The following ERCC6 variants were observed in gnomAD, a reference collection of about 807,000 sequenced individuals.
The protein encoded by ERCC6 is DNA excision repair protein ERCC-6.
A neutral mutation model predicts 158.7 loss-of-function variants in ERCC6; 116 were observed. That is an observed-to-expected ratio of 0.73 (90% CI 0.63 to 0.85). The LOEUF is 0.85. Ranked by LOEUF, ERCC6 falls within the 40% of genes least tolerant of loss-of-function variation. ERCC6 has a pLI of 0.00. For missense variants in ERCC6, 1,698 were observed against 1,799.4 expected, an observed-to-expected ratio of 0.94 and a Z score of 1.02; for synonymous variants, 678 against 659.3, an observed-to-expected ratio of 1.03 and a Z score of -0.43.
chr10:49,475,229 A>G, intron 12 of ERCC6: 1 of 303,336 alleles, frequency 3.3e-6, no homozygotes, highest in Non-Finnish European at 6.5e-6. Flanking sequence ...AGAACAAAAA[A>G]GGAGTAAAAT....
At chr10:49,498,363 C>G (rs1380596605) in intron 7 of ERCC6, among the ~76,000 whole-genome samples, 1 of 152,134 alleles carries the variant, frequency 6.6e-6, no homozygotes, top group Admixed American at 6.6e-5. Context: ...TCACACAGAA[C>G]TTCATTTGAC....
At chr10:49,534,940 TAAC>T (rs1482350870) in intron 1 of ERCC6, among the ~76,000 whole-genome samples, 4 of 152,122 alleles carry the variant, frequency 2.6e-5, no homozygotes, top group African/African-American at 7.2e-5. Flanking sequence ...GCATGTCAGT[TAAC>T]AACAGAGCAG....
intron 11 of ERCC6, 48 bp from the exon 12 acceptor site, chr10:49,476,358 A>G (rs1190583614): frequency 9.3e-6 from 12 of 1,295,002 alleles, no homozygotes; most frequent in Non-Finnish European, 1.3e-5. Flanking sequence ...AAAAAAATTA[A>G]CAGAAATAAT....
rs1479817590 is a variant in ERCC6, at chr10:49,539,000, T to A, written c.-53A>T. ...AGCGCCCACAAGGAAACAGAGACGC[T>A]ACCGCCGCCAGCCGCCTTGGAACCC... On this transcript the variant is annotated 5_prime_UTR_variant, in exon 1 of 21. Transcript: ENST00000355832. The A allele has an allele frequency of 2.6e-5, 4 of 152,760 alleles. No individual in the cohort carries two copies. Among genetic ancestry groups the A allele is most frequent in the Non-Finnish European group, 5.8e-5 (4 of 68,408 alleles). 9.5% of individuals were successfully genotyped at this position (152,760 alleles called of 1,614,324 possible). A position where few individuals can be genotyped will look rare whatever the true frequency, so the allele number is the denominator to read the frequency against.
rs780286121 is a variant in ERCC6 at position 49,483,449 on chromosome 10, A to C, written c.1889T>G (p.Leu630Trp). The C allele has an allele frequency of 1.9e-6, 3 of 1,613,866 alleles. No individual in the cohort carries two copies. The highest frequency in any genetic ancestry group is 2.5e-6 in the Non-Finnish European group (3 of 1,179,732). ...ILITSYSYIR[L>W]MQDDISRYDW... Reference sequence around the variant, plus strand: ...ATACCTGCTAATGTCATCCTGCATCAATCGAATGTAGGAGTAAGATGTGAT... The same window carrying C: ...ATACCTGCTAATGTCATCCTGCATCCATCGAATGTAGGAGTAAGATGTGAT... The change falls in exon 9 of 21, where the codon TTG becomes TGG. Residue 630 changes from leucine (L) to tryptophan (W), a missense_variant. Leu to Trp is a moderately conservative substitution (Grantham distance 61, BLOSUM62 -2). Transcript: ENST00000355832.
At chr10:49,508,650 C>G (rs182735288) in intron 5 of ERCC6, among the ~76,000 whole-genome samples, 1 of 152,260 alleles carries the variant, frequency 6.6e-6, no homozygotes, top group Admixed American at 6.5e-5. Context: ...ATATTAAAGA[C>G]AGAAAATATC....
chr10:49,449,558 G>GTTTT (rs1180100357), downstream of ERCC6, among the ~76,000 whole-genome samples: 1 of 105,158 alleles, frequency 9.5e-6, no homozygotes, highest in African/African-American at 4.0e-5. Context: ...TGATAGTTAG[G>GTTTT]TCTTTTTTTT....
chr10:49,532,974 A>G lies in ERCC6; in HGVS notation c.-10T>C. On this transcript the variant is annotated 5_prime_UTR_variant, in exon 2 of 21. Coordinates refer to ENST00000355832, the MANE Select transcript of ERCC6 (RefSeq NM_000124.4). ...TTCCCTCATTTGGCATTCTCTACAG[A>G]CTACCTAAAAGGAAAAAAATTTATA... is the stretch of plus-strand genomic sequence containing the variant. 6.2e-7 allele frequency: 1 copy of G among 1,614,200 alleles called. No individual in the cohort carries two copies. The highest frequency in any genetic ancestry group is 8.5e-7 in the Non-Finnish European group (1 of 1,180,044).
At chr10:49,534,906 G>A (rs966603336) in intron 1 of ERCC6, among the ~76,000 whole-genome samples, 25 of 152,284 alleles carry the variant, frequency 1.6e-4, no homozygotes, top group African/African-American at 5.3e-4. Flanking sequence ...ATCTACACCC[G>A]AGTGGCTATC....
intron 5 of ERCC6, among the ~76,000 whole-genome samples, chr10:49,513,943 C>A (rs1408049315): frequency 6.6e-6 from 1 of 151,968 alleles, no homozygotes; most frequent in African/African-American, 2.4e-5. Context: ...GATTCAAACC[C>A]AGATAATCAA....
At chr10:49,531,373 T>C (rs1177627185) in intron 2 of ERCC6, among the ~76,000 whole-genome samples, 1 of 152,200 alleles carries the variant, frequency 6.6e-6, no homozygotes, top group Non-Finnish European at 1.5e-5. Context: ...TAAAATAAAT[T>C]ACTCCTAAAA....
chr10:49,481,170 G>A (rs1304806198), intron 10 of ERCC6, among the ~76,000 whole-genome samples: 1 of 152,222 alleles, frequency 6.6e-6, no homozygotes, highest in African/African-American at 2.4e-5. Context: ...ATGGAAAGAG[G>A]TGTGGGAGAG....
Position 49,457,316 on chromosome 10 carries a change from T to TATA in ERCC6, c.*1496_*1498dup, listed in dbSNP as rs1850499349. The stretch of plus-strand genomic sequence containing the variant: ...GTAATCATCTTCTTCCCTCATTATA[T>TATA]ATAAACCAAACTAAAAACAAAAGAA... On this transcript the variant is annotated 3_prime_UTR_variant, in exon 21 of 21. Transcript: ENST00000355832. The TATA allele has an allele frequency of 6.6e-6, 1 of 152,134 alleles. No homozygotes were observed. Among genetic ancestry groups the TATA allele is most frequent in the African/African-American group, 2.4e-5 (1 of 41,432 alleles). The allele number at this position is 152,134 out of a possible 1,614,324, so 9.4% of individuals were successfully genotyped here.
intron 18 of ERCC6, among the ~76,000 whole-genome samples, chr10:49,468,038 T>A (rs145668431): frequency 1.3e-5 from 2 of 152,286 alleles, no homozygotes; most frequent in African/African-American, 4.8e-5. Flanking sequence ...CAATGCCCCA[T>A]GAAATATTTT....
intron 1 of ERCC6, among the ~76,000 whole-genome samples, chr10:49,534,264 C>T (rs1298559444): frequency 6.6e-6 from 1 of 152,152 alleles, no homozygotes; most frequent in Non-Finnish European, 1.5e-5. Flanking sequence ...AGGATCCCCC[C>T]TCACATAGTG....
chr10:49,502,609 T>A (rs552658415), intron 6 of ERCC6: 4 of 152,236 alleles, frequency 2.6e-5, no homozygotes, highest in African/African-American at 9.6e-5. Context: ...TAGAAAAAAA[T>A]GAGCAAGCCA....
At chr10:49,525,086 G>A (rs1235780502) in intron 4 of ERCC6, 1 of 412,428 alleles carries the variant, frequency 2.4e-6, no homozygotes. Context: ...AAATAGTCAA[G>A]TTTAGCTGTG....
chr10:49,537,067 C>T (rs568115736), intron 1 of ERCC6, among the ~76,000 whole-genome samples: 81 of 152,078 alleles, frequency 5.3e-4, no homozygotes, highest in Non-Finnish European at 9.7e-4. Context: ...ATACATTTGC[C>T]GGGAGCGGTG....
At chr10:49,451,560 A>G (rs574161791), downstream of ERCC6, among the ~76,000 whole-genome samples, 1 of 152,286 alleles carries the variant, frequency 6.6e-6, no homozygotes, top group South Asian at 2.1e-4. Flanking sequence ...ATATTGATAT[A>G]ATGTATTACA....
Sources: allele counts gnomAD v4.1 joint callset (sites outside exome capture counted in the v4.1 genomes callset), GRCh38; gene constraint gnomAD v4.1.1; transcripts MANE v1.5; gene names NCBI Gene and HGNC (gene_info 2026-07-23, HGNC 2026-07-21).